The following POLA1 variants were observed in gnomAD, a reference collection of about 807,000 sequenced individuals.
POLA1 encodes DNA polymerase alpha catalytic subunit.
Under a neutral mutation model 124.0 loss-of-function variants are expected in POLA1, and 15 were observed. The ratio of observed to expected loss-of-function variants is 0.12; its 90% CI spans 0.08 to 0.19. The LOEUF is 0.19. Ranked by LOEUF, POLA1 falls within the 10% of genes least tolerant of loss-of-function variation. The pLI is 1.00. For synonymous variants in POLA1, 408 were observed against 389.4 expected (o/e 1.05, Z -0.56); for missense variants, 886 against 1,103.4 (o/e 0.80, Z 2.79).
chrX:24,886,231 C>A (rs1479260493), intron 34 of POLA1, among the ~76,000 whole-genome samples: 1 of 111,789 alleles, frequency 8.9e-6, no homozygotes, highest in East Asian at 2.8e-4. Context: ...ATTGTAATTT[C>A]CTAAAACTGT....
chrX:24,897,340 T>G (rs781486779), intron 35 of POLA1, among the ~76,000 whole-genome samples: 1 of 96,056 alleles, frequency 1.0e-5, no homozygotes, highest in South Asian at 5.2e-4. Context: ...AACAAATGCC[T>G]TCCTCTTCTC....
intron 36 of POLA1, among the ~76,000 whole-genome samples, chrX:24,981,746 TA>T (rs1354023330): frequency 8.9e-6 from 1 of 112,595 alleles, no homozygotes; most frequent in African/African-American, 3.2e-5. Flanking sequence ...TATTATCACA[TA>T]TTTACTCATT....
At chrX:24,734,262 A>G (rs984666202) in intron 17 of POLA1, 9 of 112,442 alleles carry the variant, frequency 8.0e-5, no homozygotes, top group Middle Eastern at 4.6e-3. Context: ...TCTAAATTCC[A>G]GCGTGCTCCA....
intron 12 of POLA1, among the ~76,000 whole-genome samples, chrX:24,724,689 A>G (rs764923829): frequency 2.2e-4 from 25 of 112,735 alleles, no homozygotes; most frequent in Admixed American, 9.4e-5. Flanking sequence ...AAGACAATCC[A>G]TAGCAAATTA....
At chrX:24,808,306 C>A (rs2045839213) in intron 26 of POLA1, among the ~76,000 whole-genome samples, 1 of 111,274 alleles carries the variant, frequency 9.0e-6, no homozygotes, top group African/African-American at 3.3e-5. Context: ...CACCGCCTGC[C>A]CCCTCAAATC....
chrX:24,700,071 A>G (rs1179498612), intron 2 of POLA1, among the ~76,000 whole-genome samples: 2 of 104,079 alleles, frequency 1.9e-5, no homozygotes, highest in Non-Finnish European at 3.9e-5. Flanking sequence ...CAGGTCAAAA[A>G]CAGAGTGGCC....
intron 31 of POLA1, among the ~76,000 whole-genome samples, chrX:24,822,607 G>A (rs1014143081): frequency 8.9e-6 from 1 of 112,162 alleles, no homozygotes; most frequent in Admixed American, 9.4e-5. Flanking sequence ...ATCAGCACTT[G>A]ACTCTGTCTC....
In POLA1 at chrX:24,958,089, T is replaced by G. The variant is rs201987239; in HGVS notation, c.4261+27540T>G. Reference sequence around the variant, plus strand: ...TAAGAGTAAAAATTTCTAATCCATTTTTAAGAGGAAGAGATCAGATGGAGC... The same window carrying G: ...TAAGAGTAAAAATTTCTAATCCATTGTTAAGAGGAAGAGATCAGATGGAGC... On this transcript the variant is annotated intron_variant, in intron 36 of 36. Coordinates refer to ENST00000379068, the MANE Select transcript of POLA1 (RefSeq NM_001330360.2). 3.6e-5 allele frequency among the ~76,000 whole-genome samples: 4 copies of G among 111,138 alleles called. No individual in the cohort carries two copies. In the East Asian group the frequency reaches 1.1e-3, roughly 31 times the overall value.
chrX:24,713,504 C>T lies in POLA1; in HGVS notation c.347-1050C>T, dbSNP rs1402524479. 4.5e-5 allele frequency among the ~76,000 whole-genome samples: 5 copies of T among 111,255 alleles called. No individual in the cohort carries two copies. The Admixed American group carries it at 4.8e-4, about 11-fold the overall frequency. On this transcript the variant is annotated intron_variant, in intron 4 of 36. Transcript: ENST00000379068. ...CGATCCCAGCTCACTGCAATCTCGC[C>T]TCCGGGGTTCAAGCGATTTCCCTGC...
intron 36 of POLA1, among the ~76,000 whole-genome samples, chrX:24,936,281 A>G (rs772543281): frequency 5.4e-5 from 6 of 112,033 alleles, no homozygotes; most frequent in Admixed American, 9.5e-5. Context: ...GATTTTGGAA[A>G]GTCTCAAGAT....
chrX:24,832,441 C>T (rs1432694255), intron 32 of POLA1, among the ~76,000 whole-genome samples: 4 of 112,007 alleles, frequency 3.6e-5, no homozygotes, highest in Non-Finnish European at 5.6e-5. Flanking sequence ...CTCACATAAG[C>T]AGTGAGACCT....
chrX:24,923,137 C>T (rs1404121077), intron 35 of POLA1, among the ~76,000 whole-genome samples: 1 of 111,362 alleles, frequency 9.0e-6, no homozygotes, highest in Non-Finnish European at 1.9e-5. Context: ...ATGGAAATTG[C>T]CATGTGCAGA....
intron 26 of POLA1, among the ~76,000 whole-genome samples, chrX:24,769,740 C>G (rs2044987545): frequency 9.0e-6 from 1 of 111,475 alleles, no homozygotes; most frequent in Non-Finnish European, 1.9e-5. Context: ...TGTGGAAGAG[C>G]TGAAAACATA....
At chrX:24,783,105 C>A (rs1274977142) in intron 26 of POLA1, among the ~76,000 whole-genome samples, 1 of 109,160 alleles carries the variant, frequency 9.2e-6, no homozygotes, top group Non-Finnish European at 1.9e-5. Flanking sequence ...TGTCTGTACA[C>A]CAGTGGCCCA....
Position 24,862,159 on chromosome X carries a change from A to G in POLA1, c.4047+18482A>G, listed in dbSNP as rs376121820. ...GTTAGTGACTGCAAAAGCAAAATAA[A>G]TACCATAGTATAAAATACAGTTTCA... On this transcript the variant is annotated intron_variant, in intron 34 of 36. Coordinates refer to ENST00000379068, the MANE Select transcript of POLA1 (RefSeq NM_001330360.2). 2.6e-3 allele frequency among the ~76,000 whole-genome samples: 287 copies of G among 112,236 alleles called. 1 individual carries two copies. Among genetic ancestry groups the G allele is most frequent in the African/African-American group, 8.8e-3 (273 of 30,933 alleles).
At chrX:24,862,750 G>A (rs907788561) in intron 34 of POLA1, among the ~76,000 whole-genome samples, 4 of 111,912 alleles carry the variant, frequency 3.6e-5, no homozygotes, top group African/African-American at 1.3e-4. Context: ...AACAGTTTGG[G>A]CAATTTTCTA....
chrX:24,812,970 G>A lies in POLA1; in HGVS notation c.3296+107G>A, dbSNP rs1602429715. 1.0e-5 allele frequency: 4 copies of A among 397,921 alleles called. No homozygotes were observed. In the South Asian group the frequency reaches 2.5e-4, roughly 25 times the overall value. 32.8% of individuals were successfully genotyped at this position (397,921 alleles called of 1,213,427 possible). ...CTGTCAAGCCCAAGAACACTTCTTT[G>A]TTATTTTTATTATTCTTATTAATAA... On this transcript the variant is annotated intron_variant, in intron 29 of 36. Transcript: ENST00000379068.
intron 34 of POLA1, among the ~76,000 whole-genome samples, chrX:24,876,195 G>A (rs761154139): frequency 7.1e-5 from 8 of 112,240 alleles, no homozygotes; most frequent in Middle Eastern, 4.6e-3. Flanking sequence ...GCACATTGGT[G>A]ATATTGAACA....
intron 34 of POLA1, among the ~76,000 whole-genome samples, chrX:24,852,238 C>T (rs964900350): frequency 3.6e-5 from 4 of 111,340 alleles, no homozygotes; most frequent in Admixed American, 1.9e-4. Context: ...AGAATTAGAG[C>T]ACTGGTGTTT....
Sources: gnomAD v4.1 joint callset for allele counts (sites outside exome capture counted in the v4.1 genomes callset) on GRCh38, gnomAD v4.1.1 for gene constraint, MANE v1.5 for transcripts, NCBI Gene and HGNC (gene_info 2026-07-23, HGNC 2026-07-21) for gene names.